CTH: variants seen among roughly 807,000 people sequenced by gnomAD.
CTH encodes cystathionase (cystathionine gamma-lyase).
Under a neutral mutation model 50.6 loss-of-function variants are expected in CTH, and 41 were observed. The observed-to-expected ratio is 0.81, with a 90% CI of 0.63 to 1.05. The LOEUF is 1.05. CTH is among the 50% of genes least tolerant of loss of function. CTH has a pLI of 0.00. For missense variants in CTH, 470 were observed against 492.6 expected (o/e 0.95, Z 0.43); for synonymous variants, 156 against 168.9 (o/e 0.92, Z 0.59).
intron 10 of CTH, among the ~76,000 whole-genome samples, chr1:70,436,617 C>T (rs933867871): frequency 2.0e-5 from 3 of 150,848 alleles, no homozygotes; most frequent in African/African-American, 7.3e-5. Context: ...TATTTTCTGT[C>T]TTTGTATAGG....
At chr1:70,418,928 C>T (rs1395890910) in intron 3 of CTH, among the ~76,000 whole-genome samples, 1 of 150,480 alleles carries the variant, frequency 6.6e-6, no homozygotes, top group African/African-American at 2.4e-5. Context: ...TTCCCATTAA[C>T]TCTTCATTTA....
Position 70,438,745 on chromosome 1 carries a change from T to C in CTH, c.1110T>C (p.Ser370=). Residue 370 remains serine, a synonymous_variant, in exon 11 of 12, where the codon AGT becomes AGC. Coordinates refer to ENST00000370938, the MANE Select transcript of CTH (RefSeq NM_001902.6). ...LKNDRDVLGI[S]DTLIRLSVGL... is the part of the protein sequence containing the mutation. ...ATGACAGAGATGTCCTTGGAATTAG[T>C]GACACACTGATTCGACTTTCTGTGG... 6.2e-7 allele frequency: 1 copy of C among 1,613,984 alleles called. No homozygotes were observed. Among genetic ancestry groups the C allele is most frequent in the Non-Finnish European group, 8.5e-7 (1 of 1,179,982 alleles).
At chr1:70,438,971 A>G in intron 11 of CTH, 130 bp from the exon 12 acceptor site, 1 of 1,567,912 alleles carries the variant, frequency 6.4e-7, no homozygotes. Context: ...GTGTATAAAT[A>G]AACGTATAGG....
chr1:70,411,493 C>T lies in CTH; in HGVS notation c.78C>T (p.Gly26=). 6.2e-7 allele frequency: 1 copy of T among 1,614,226 alleles called. No individual in the cohort carries two copies. The highest frequency in any genetic ancestry group is 8.5e-7 in the Non-Finnish European group (1 of 1,180,046). The change falls in exon 1 of 12, where the codon GGC becomes GGT. Residue 26 remains glycine, a synonymous_variant. Transcript: ENST00000370938. ...TCGCCACGCAGGCGATCCATGTGGGCCAGGATCCAGAGCAATGGACCTCCA... is the reference window on the plus strand; with the variant it reads ...TCGCCACGCAGGCGATCCATGTGGGTCAGGATCCAGAGCAATGGACCTCCA... The part of the protein sequence containing the change: ...QHFATQAIHV[G]QDPEQWTSRA...
intron 5 of CTH, among the ~76,000 whole-genome samples, chr1:70,428,839 A>T (rs1226166261): frequency 6.6e-6 from 1 of 151,930 alleles, no homozygotes; most frequent in African/African-American, 2.4e-5. Flanking sequence ...GCTCAAACTC[A>T]TGGCCTCAAG....
chr1:70,413,259 C>CT (rs11295998), intron 1 of CTH, among the ~76,000 whole-genome samples: 2,207 of 139,098 alleles, frequency 0.016, 56 homozygotes, highest in African/African-American at 0.043. Flanking sequence ...TTCTTTCTTT[C>CT]TTTTTTTTTT....
chr1:70,431,329 T>C (rs1684470264), intron 7 of CTH, among the ~76,000 whole-genome samples: 1 of 152,242 alleles, frequency 6.6e-6, no homozygotes, highest in Non-Finnish European at 1.5e-5. Flanking sequence ...ATGGTTTTTT[T>C]TTCTTTTTTA....
chr1:70,434,983 C>T lies in CTH; in HGVS notation c.1000-142C>T, dbSNP rs897528085. 6.1e-5 allele frequency: 37 copies of T among 608,040 alleles called. No individual in the cohort carries two copies. The African/African-American group carries it at 6.7e-4, about 11-fold the overall frequency. 37.7% of individuals were successfully genotyped at this position (608,040 alleles called of 1,614,324 possible). ...GCCAGGCTGGTCTCGAACTCCTGAC[C>T]TCGGTGATCCGCCTGACTTGGCCTC... On this transcript the variant is annotated intron_variant, in intron 9 of 11. Coordinates refer to ENST00000370938, the MANE Select transcript of CTH (RefSeq NM_001902.6).
intron 3 of CTH, among the ~76,000 whole-genome samples, chr1:70,418,312 C>T (rs1145919): frequency 0.26 from 40,157 of 151,928 alleles, 5,558 homozygotes; most frequent in Middle Eastern, 0.32. Context: ...TGGAGTGGTA[C>T]GATCTCAGCT....
At chr1:70,418,489 A>ATCC (rs1684143971) in intron 3 of CTH, among the ~76,000 whole-genome samples, 2 of 152,200 alleles carry the variant, frequency 1.3e-5, no homozygotes, top group Admixed American at 6.5e-5. Flanking sequence ...AGCTCAAGTG[A>ATCC]TCCTCCCTCT....
intron 10 of CTH, among the ~76,000 whole-genome samples, 200 bp from the exon 11 acceptor site, chr1:70,438,487 CA>C (rs1296972872): frequency 5.9e-5 from 9 of 152,152 alleles, no homozygotes; most frequent in African/African-American, 2.2e-4. Context: ...AGGATAAAAA[CA>C]ATCTTGCTTT....
At chr1:70,416,181 T>C (rs2101729347) in intron 2 of CTH, 144 bp downstream of exon 2, 6 of 652,974 alleles carry the variant, frequency 9.2e-6, no homozygotes, top group South Asian at 8.7e-5. Context: ...TTGCCCAAGG[T>C]CCCTCAGTTG....
intron 5 of CTH, among the ~76,000 whole-genome samples, chr1:70,425,200 C>T (rs1051415920): frequency 6.6e-6 from 1 of 152,084 alleles, no homozygotes; most frequent in Non-Finnish European, 1.5e-5. Context: ...ATGCCTAGAT[C>T]TCTTTAACTT....
chr1:70,418,575 T>A (rs1189917385), intron 3 of CTH, among the ~76,000 whole-genome samples: 1 of 152,196 alleles, frequency 6.6e-6, no homozygotes, highest in East Asian at 1.9e-4. Context: ...AGAATAGTAT[T>A]TAAGGTGCTA....
chr1:70,426,475 G>T (rs2101745479), intron 5 of CTH, among the ~76,000 whole-genome samples: 1 of 152,294 alleles, frequency 6.6e-6, no homozygotes, highest in South Asian at 2.1e-4. Flanking sequence ...CCCTGAAGTT[G>T]ATCCAGGTTG....
At chr1:70,411,759 C>G in intron 1 of CTH, 176 bp downstream of exon 1, 1 of 875,610 alleles carries the variant, frequency 1.1e-6, no homozygotes, top group Middle Eastern at 5.8e-4. Flanking sequence ...GTCCAGTGAT[C>G]GTATTTCTTT....
In CTH at chr1:70,432,208, C is replaced by A. The variant is rs779804676; in HGVS notation, c.850C>A (p.Pro284Thr). Reference sequence around the variant, plus strand: ...AGTTGCCCAGTTCCTGGAATCTAATCCTTGGGTAGAAAAGGTTATTTATCC... The same window carrying A: ...AGTTGCCCAGTTCCTGGAATCTAATACTTGGGTAGAAAAGGTTATTTATCC... ...MAVAQFLESN[P>T]WVEKVIYPGL... The change falls in exon 8 of 12, where the codon CCT (proline) becomes ACT (threonine). Residue 284 changes from proline to threonine, a missense_variant. Coordinates refer to ENST00000370938, the MANE Select transcript of CTH (RefSeq NM_001902.6). The A allele has an allele frequency of 5.0e-6, 8 of 1,614,044 alleles. No individual in the cohort carries two copies. The African/African-American group carries it at 6.7e-5, about 13-fold the overall frequency.
chr1:70,435,270 A>T (rs867425573), intron 10 of CTH, 93 bp downstream of exon 10: 1 of 1,157,130 alleles, frequency 8.6e-7, no homozygotes, highest in Non-Finnish European at 1.3e-6. Flanking sequence ...ATAATTCAAG[A>T]TATTTAACAA....
chr1:70,424,548 T>C, intron 5 of CTH, 132 bp downstream of exon 5: 1 of 1,467,154 alleles, frequency 6.8e-7, no homozygotes, highest in Non-Finnish European at 9.3e-7. Context: ...ATTTACTGGA[T>C]CGAGAATTAA....
Sources: gnomAD v4.1 joint callset for allele counts (sites outside exome capture counted in the v4.1 genomes callset) on GRCh38, gnomAD v4.1.1 for gene constraint, MANE v1.5 for transcripts, NCBI Gene and HGNC (gene_info 2026-07-23, HGNC 2026-07-21) for gene names.